The following BBS9 variants were observed in gnomAD, a reference collection of about 807,000 sequenced individuals.
BBS9 encodes the protein Bardet-Biedl syndrome 9, also known as protein PTHB1.
BBS9 carries 89 observed loss-of-function variants against 117.7 expected under a neutral mutation model. That is an observed-to-expected ratio of 0.76 (90% CI 0.64 to 0.90). The LOEUF is 0.90. BBS9 is among the 40% of genes least tolerant of loss of function. BBS9 has a pLI of 0.00. For synonymous variants in BBS9, 379 were observed against 370.9 expected (o/e 1.02, Z -0.25); for missense variants, 982 against 1,042.2 (o/e 0.94, Z 0.80).
At chr7:33,472,279 C>T (rs1022138104) in intron 19 of BBS9, among the ~76,000 whole-genome samples, 1 of 152,130 alleles carries the variant, frequency 6.6e-6, no homozygotes, top group Non-Finnish European at 1.5e-5. Flanking sequence ...AGATGAGGAG[C>T]AAATGAGAAT....
chr7:33,309,159 A>G (rs1808647649), intron 9 of BBS9, among the ~76,000 whole-genome samples: 1 of 152,162 alleles, frequency 6.6e-6, no homozygotes. Context: ...GGGGTCTTTA[A>G]ATAAAACTGA....
intron 5 of BBS9, among the ~76,000 whole-genome samples, chr7:33,186,728 A>C (rs1783194673): frequency 6.6e-6 from 1 of 152,170 alleles, no homozygotes; most frequent in South Asian, 2.1e-4. Context: ...GTGTGTTTGA[A>C]GTTAAAAATG....
intron 19 of BBS9, among the ~76,000 whole-genome samples, chr7:33,431,636 A>C (rs1199492641): frequency 6.6e-6 from 1 of 152,216 alleles, no homozygotes; most frequent in African/African-American, 2.4e-5. Flanking sequence ...GGCTGTCATC[A>C]GACATTGAAT....
At chr7:33,569,642 G>A (rs1487167792) in intron 21 of BBS9, among the ~76,000 whole-genome samples, 1 of 151,606 alleles carries the variant, frequency 6.6e-6, no homozygotes, top group Non-Finnish European at 1.5e-5. Context: ...GGCGCCTATA[G>A]TCCTAGCTAC....
At chr7:33,208,196 T>C (rs1288161506) in intron 5 of BBS9, among the ~76,000 whole-genome samples, 1 of 152,186 alleles carries the variant, frequency 6.6e-6, no homozygotes, top group Non-Finnish European at 1.5e-5. Context: ...CATCCCCTAT[T>C]CAGTATTTAT....
chr7:33,365,773 G>A (rs1412857495), intron 16 of BBS9, among the ~76,000 whole-genome samples: 2 of 152,246 alleles, frequency 1.3e-5, no homozygotes, highest in Admixed American at 6.5e-5. Context: ...GTGATGGTAT[G>A]TGAGGCATTA....
At chr7:33,202,750 C>A (rs1484243517) in intron 5 of BBS9, among the ~76,000 whole-genome samples, 1 of 152,102 alleles carries the variant, frequency 6.6e-6, no homozygotes, top group Non-Finnish European at 1.5e-5. Context: ...CAGTTACCTC[C>A]CACCAGGCAC....
intron 21 of BBS9, among the ~76,000 whole-genome samples, chr7:33,581,093 T>TGAGAGA (rs1163091835): frequency 2.1e-5 from 3 of 141,648 alleles, no homozygotes; most frequent in African/African-American, 8.5e-5. Context: ...TGTGTGTGTG[T>TGAGAGA]GTGAGAGAGA....
chr7:33,587,438 A>G (rs1450149692), intron 21 of BBS9, among the ~76,000 whole-genome samples: 1 of 152,080 alleles, frequency 6.6e-6, no homozygotes. Context: ...GTTTGATACC[A>G]TTTTAAAAAT....
chr7:33,414,012 A>C (rs1332479970), intron 19 of BBS9, among the ~76,000 whole-genome samples: 2 of 152,146 alleles, frequency 1.3e-5, no homozygotes, highest in African/African-American at 4.8e-5. Flanking sequence ...CAATAAAAGC[A>C]AAACTCCCTC....
chr7:33,235,238 T>C (rs547992669), intron 5 of BBS9, among the ~76,000 whole-genome samples: 13 of 152,292 alleles, frequency 8.5e-5, no homozygotes, highest in African/African-American at 2.9e-4. Flanking sequence ...CCTTCCTCTT[T>C]CTTTTTTTAT....
chr7:33,489,772 G>A (rs895186722), intron 19 of BBS9, among the ~76,000 whole-genome samples: 1 of 152,108 alleles, frequency 6.6e-6, no homozygotes, highest in African/African-American at 2.4e-5. Context: ...GAAGCTTCAC[G>A]TGCTATTGTG....
chr7:33,426,146 C>T (rs1168325619), intron 19 of BBS9, among the ~76,000 whole-genome samples: 3 of 151,958 alleles, frequency 2.0e-5, no homozygotes, highest in South Asian at 2.1e-4. Flanking sequence ...AGTCATGACC[C>T]GATGTTACTA....
intron 19 of BBS9, among the ~76,000 whole-genome samples, chr7:33,472,862 T>C (rs991994989): frequency 1.3e-5 from 2 of 152,228 alleles, no homozygotes; most frequent in African/African-American, 4.8e-5. Flanking sequence ...TTGTCAACAG[T>C]GTCAGTGACC....
chr7:33,241,778 C>A (rs932705222), intron 5 of BBS9, among the ~76,000 whole-genome samples: 2 of 151,872 alleles, frequency 1.3e-5, no homozygotes, highest in African/African-American at 4.8e-5. Flanking sequence ...AATTTCTGTT[C>A]TTTTAAAAAT....
At chr7:33,157,735 A>T (rs992639867) in intron 4 of BBS9, 3 of 152,182 alleles carry the variant, frequency 2.0e-5, no homozygotes, top group African/African-American at 7.2e-5. Context: ...AAATATTTTC[A>T]AACTAGAGGA....
intron 6 of BBS9, among the ~76,000 whole-genome samples, chr7:33,259,155 G>A (rs1797561047): frequency 6.6e-6 from 1 of 152,106 alleles, no homozygotes; most frequent in Non-Finnish European, 1.5e-5. Context: ...AACTATGTTT[G>A]TTCTTTTGAG....
chr7:33,543,953 G>A (rs1340172822), intron 21 of BBS9, among the ~76,000 whole-genome samples: 1 of 152,068 alleles, frequency 6.6e-6, no homozygotes, highest in Non-Finnish European at 1.5e-5. Context: ...TTGTCTTCGA[G>A]CTCTGATTTT....
At chr7:33,232,951 G>A (rs1379082932) in intron 5 of BBS9, among the ~76,000 whole-genome samples, 2 of 152,096 alleles carry the variant, frequency 1.3e-5, no homozygotes, top group African/African-American at 4.8e-5. Context: ...TTAGAAAATG[G>A]TTTCAGGACT....
Sources: gnomAD v4.1 joint callset for allele counts (sites outside exome capture counted in the v4.1 genomes callset) on GRCh38, gnomAD v4.1.1 for gene constraint, MANE v1.5 for transcripts, NCBI Gene and HGNC (gene_info 2026-07-23, HGNC 2026-07-21) for gene names.